VEPH1: variants seen among roughly 807,000 people sequenced by gnomAD.
The protein encoded by VEPH1 is ventricular zone expressed PH domain containing 1.
Under a neutral mutation model 85.2 loss-of-function variants are expected in VEPH1, and 80 were observed. The observed-to-expected ratio is 0.94, with a 90% confidence interval of 0.78 to 1.13. The LOEUF (loss-of-function observed/expected upper bound fraction) is 1.13. Among genes scored for constraint, VEPH1 ranks in the 50% most tolerant of loss-of-function variants. The pLI is 0.00. For synonymous variants in VEPH1, 297 were observed against 348.0 expected (o/e 0.85, Z 1.63); for missense variants, 955 against 980.5 (o/e 0.97, Z 0.35).
At chr3:157,464,076 T>C (rs555763131) in intron 3 of VEPH1, among the ~76,000 whole-genome samples, 18 of 152,198 alleles carry the variant, frequency 1.2e-4, no homozygotes, top group Non-Finnish European at 2.6e-4. Context: ...ACATGTGGTG[T>C]TTAGAAAAGC....
intron 9 of VEPH1, among the ~76,000 whole-genome samples, chr3:157,350,762 A>G (rs1024731896): frequency 1.3e-5 from 2 of 152,244 alleles, no homozygotes; most frequent in African/African-American, 4.8e-5. Flanking sequence ...CGACAAATAT[A>G]TGAAAAAATG....
intron 11 of VEPH1, among the ~76,000 whole-genome samples, chr3:157,295,340 A>G (rs1197290740): frequency 1.3e-5 from 2 of 151,510 alleles, no homozygotes; most frequent in African/African-American, 4.9e-5. Flanking sequence ...GCTGAGGTAG[A>G]AGGATCACTT....
At chr3:157,348,545 G>A (rs1395033727) in intron 9 of VEPH1, among the ~76,000 whole-genome samples, 2 of 152,128 alleles carry the variant, frequency 1.3e-5, no homozygotes, top group Non-Finnish European at 2.9e-5. Flanking sequence ...TCATATGTGT[G>A]TCTTCTTTTG....
At chr3:157,433,443 C>G (rs985055560) in intron 4 of VEPH1, among the ~76,000 whole-genome samples, 1 of 152,110 alleles carries the variant, frequency 6.6e-6, no homozygotes, top group Non-Finnish European at 1.5e-5. Context: ...TGAATTTTAT[C>G]AAACATTCTT....
intron 3 of VEPH1, among the ~76,000 whole-genome samples, chr3:157,464,638 AATTATATTTCTAAACTAG>A (rs1211231376): frequency 1.3e-5 from 2 of 152,172 alleles, no homozygotes; most frequent in East Asian, 3.8e-4. Context: ...GGATGCCAAG[AATTATATTTCTAAACTAG>A]ATTAGCACCA....
intron 12 of VEPH1, among the ~76,000 whole-genome samples, chr3:157,276,215 A>G (rs758672090): frequency 2.0e-5 from 3 of 152,210 alleles, no homozygotes; most frequent in African/African-American, 7.2e-5. Flanking sequence ...TTCCTTTCTC[A>G]GTAATTTCAT....
chr3:157,315,223 A>G (rs1436387702), intron 10 of VEPH1, among the ~76,000 whole-genome samples: 1 of 152,048 alleles, frequency 6.6e-6, no homozygotes, highest in Non-Finnish European at 1.5e-5. Context: ...TTCCAGAAAA[A>G]TTTTATTATT....
intron 6 of VEPH1, among the ~76,000 whole-genome samples, chr3:157,413,092 A>ATT (rs2109030377): frequency 6.6e-6 from 1 of 152,262 alleles, no homozygotes; most frequent in East Asian, 1.9e-4. Context: ...AGCTAATTAT[A>ATT]TTATATATAA....
intron 11 of VEPH1, among the ~76,000 whole-genome samples, chr3:157,288,191 G>A (rs1404577052): frequency 6.6e-6 from 1 of 152,220 alleles, no homozygotes; most frequent in African/African-American, 2.4e-5. Flanking sequence ...CTCCTCCTAA[G>A]AGGGACTTAA....
At chr3:157,395,519 G>A (rs1212312356) in intron 6 of VEPH1, among the ~76,000 whole-genome samples, 1 of 152,192 alleles carries the variant, frequency 6.6e-6, no homozygotes, top group Non-Finnish European at 1.5e-5. Flanking sequence ...TGTGATGACA[G>A]GAGTGGTTGG....
At chr3:157,453,677 T>C (rs1308184783) in intron 4 of VEPH1, among the ~76,000 whole-genome samples, 2 of 152,140 alleles carry the variant, frequency 1.3e-5, no homozygotes, top group Non-Finnish European at 2.9e-5. Context: ...CCATGATGAC[T>C]CCTCAGGCTG....
chr3:157,451,955 A>G (rs1466347826), intron 4 of VEPH1, among the ~76,000 whole-genome samples: 2 of 152,216 alleles, frequency 1.3e-5, no homozygotes, highest in Non-Finnish European at 2.9e-5. Context: ...TACTTGCATA[A>G]GACAAAAAGC....
intron 4 of VEPH1, among the ~76,000 whole-genome samples, chr3:157,444,736 T>C (rs1734411756): frequency 6.6e-6 from 1 of 152,208 alleles, no homozygotes; most frequent in South Asian, 2.1e-4. Flanking sequence ...CCGAGATAAA[T>C]GCAAACTCAT....
rs139123197 is a variant in VEPH1, at chr3:157,303,565, G to A, written c.2010+10056C>T. Among the ~76,000 whole-genome samples the A allele has an allele frequency of 2.0e-5, 3 of 152,274 alleles. No individual in the cohort carries two copies. In the East Asian group the frequency reaches 5.8e-4, roughly 29 times the overall value. On this transcript the variant is annotated intron_variant, in intron 11 of 13. Coordinates refer to ENST00000362010, the MANE Select transcript of VEPH1 (RefSeq NM_001167912.2). ...AAAGATAAAAAAGCCTCCGAACTCT[G>A]TATTTCAATTTCTACCACTTTCCAG...
intron 12 of VEPH1, among the ~76,000 whole-genome samples, chr3:157,285,741 A>G (rs2108367357): frequency 6.6e-6 from 1 of 152,304 alleles, no homozygotes. Context: ...ACGTGTTTCC[A>G]CTGGTTGGAT....
intron 9 of VEPH1, among the ~76,000 whole-genome samples, chr3:157,362,220 G>T (rs922533190): frequency 3.2e-4 from 48 of 151,806 alleles, no homozygotes; most frequent in African/African-American, 8.2e-4. Context: ...CAGTAGAGAC[G>T]GGGTTTCACC....
intron 7 of VEPH1, 145 bp from the exon 8 acceptor site, chr3:157,364,657 C>T: frequency 1.4e-6 from 1 of 733,104 alleles, no homozygotes; most frequent in Admixed American, 3.1e-5. Flanking sequence ...GTATTTACTG[C>T]AGGCATAGGT....
In VEPH1 at chr3:157,262,540, T is replaced by TA. The variant is rs201258443; in HGVS notation, c.2266-1171dup. ...ATAGAGGTAGAACAGAAACATGATTTAAAAAAAAAAAGAGAAACAATGTGA... is the reference window on the plus strand; with the variant it reads ...ATAGAGGTAGAACAGAAACATGATTTAAAAAAAAAAAAGAGAAACAATGTGA... On this transcript the variant is annotated intron_variant, in intron 13 of 13. Transcript: ENST00000362010. 3.2e-3 allele frequency among the ~76,000 whole-genome samples: 468 copies of TA among 145,274 alleles called. 6 individuals carry two copies. The East Asian group carries it at 0.045, about 14-fold the overall frequency.
At chr3:157,361,693 C>A (rs1187836408) in intron 9 of VEPH1, among the ~76,000 whole-genome samples, 1 of 152,164 alleles carries the variant, frequency 6.6e-6, no homozygotes, top group African/African-American at 2.4e-5. Flanking sequence ...TAAAGCTATC[C>A]AGACTTGTTC....
Sources: gnomAD v4.1 joint callset for allele counts (sites outside exome capture counted in the v4.1 genomes callset) on GRCh38, gnomAD v4.1.1 for gene constraint, MANE v1.5 for transcripts, NCBI Gene and HGNC (gene_info 2026-07-23, HGNC 2026-07-21) for gene names.